The following USP32 variants were observed in gnomAD, a reference collection of about 807,000 sequenced individuals.
The protein encoded by USP32 is ubiquitin specific peptidase 32.
USP32 carries 59 observed loss-of-function variants against 204.8 expected under a neutral mutation model. The observed-to-expected ratio is 0.29, with a 90% CI of 0.23 to 0.36. The LOEUF is 0.36. USP32 is among the 10% of genes least tolerant of loss of function. The pLI is 1.00. For synonymous variants in USP32, 517 were observed against 678.4 expected (o/e 0.76, Z 3.70); for missense variants, 1,160 against 1,946.4 (o/e 0.60, Z 7.60).
intron 7 of USP32, among the ~76,000 whole-genome samples, chr17:60,266,795 T>C (rs2086604008): frequency 6.6e-6 from 1 of 151,938 alleles, no homozygotes; most frequent in Admixed American, 6.6e-5. Context: ...GCTGGGACTA[T>C]AGACACGTGC....
At chr17:60,319,724 G>A (rs1032917834) in intron 2 of USP32, among the ~76,000 whole-genome samples, 4 of 152,094 alleles carry the variant, frequency 2.6e-5, no homozygotes, top group African/African-American at 9.7e-5. Context: ...AGGTTGCAGT[G>A]AGCCAAGATA....
intron 18 of USP32, among the ~76,000 whole-genome samples, chr17:60,213,173 A>G (rs957378770): frequency 7.2e-5 from 11 of 152,260 alleles, no homozygotes; most frequent in African/African-American, 2.2e-4. Context: ...ATATACAAAT[A>G]GCTCTGTCAG....
intron 27 of USP32, among the ~76,000 whole-genome samples, chr17:60,194,802 C>T (rs914282871): frequency 6.6e-6 from 1 of 152,136 alleles, no homozygotes; most frequent in African/African-American, 2.4e-5. Context: ...CTTACTTATT[C>T]GAACATCCCT....
intron 11 of USP32, among the ~76,000 whole-genome samples, chr17:60,247,745 G>A (rs1327974869): frequency 4.6e-5 from 7 of 151,782 alleles, no homozygotes; most frequent in South Asian, 2.1e-4. Context: ...GTGCAGTGGC[G>A]TGATCTTGGC....
At chr17:60,264,184 A>G (rs1163560898) in intron 9 of USP32, among the ~76,000 whole-genome samples, 1 of 152,094 alleles carries the variant, frequency 6.6e-6, no homozygotes, top group African/African-American at 2.4e-5. Context: ...TATTCTGGCT[A>G]CCACTAAAGG....
Position 60,179,156 on chromosome 17 carries a change from C to T in USP32, c.*99G>A, listed in dbSNP as rs1404321307. 1.6e-5 allele frequency: 22 copies of T among 1,343,728 alleles called. No individual in the cohort carries two copies. The highest frequency in any genetic ancestry group is 2.2e-5 in the Non-Finnish European group (22 of 990,318). 83.2% of individuals were successfully genotyped at this position (1,343,728 alleles called of 1,614,324 possible). On this transcript the variant is annotated 3_prime_UTR_variant, in exon 34 of 34. Coordinates refer to ENST00000300896, the MANE Select transcript of USP32 (RefSeq NM_032582.4). ...GCTTCAGGGCCACAGGATAAAATAA[C>T]TACATTTAGCTTGCCTTTCAGTGAC...
At chr17:60,235,319 G>A (rs770728335) in intron 12 of USP32, among the ~76,000 whole-genome samples, 3 of 152,038 alleles carry the variant, frequency 2.0e-5, no homozygotes, top group Non-Finnish European at 2.9e-5. Flanking sequence ...TACCTACAAG[G>A]TCCAGGAAGT....
intron 1 of USP32, among the ~76,000 whole-genome samples, chr17:60,361,742 C>A (rs1001728173): frequency 2.0e-5 from 3 of 152,084 alleles, no homozygotes; most frequent in Non-Finnish European, 2.9e-5. Context: ...AAATCAATAT[C>A]CACTTATCCT....
chr17:60,244,277 C>T (rs1468689288), intron 11 of USP32, among the ~76,000 whole-genome samples: 1 of 151,850 alleles, frequency 6.6e-6, no homozygotes, highest in Non-Finnish European at 1.5e-5. Flanking sequence ...CTCGGCCTCC[C>T]AAAGTGCTAG....
At chr17:60,340,781 T>C (rs889927953) in intron 2 of USP32, among the ~76,000 whole-genome samples, 3 of 152,216 alleles carry the variant, frequency 2.0e-5, no homozygotes, top group Admixed American at 2.0e-4. Context: ...TCTTGACAAT[T>C]TGGCATGTTT....
intron 1 of USP32, among the ~76,000 whole-genome samples, chr17:60,404,052 AAAGG>A (rs1299084709): frequency 3.9e-5 from 6 of 151,938 alleles, no homozygotes; most frequent in Non-Finnish European, 7.4e-5. Flanking sequence ...AAAAAAAAAA[AAAGG>A]AAAAGAAAAA....
intron 28 of USP32, among the ~76,000 whole-genome samples, chr17:60,190,973 G>A (rs2084365475): frequency 1.3e-5 from 2 of 152,146 alleles, no homozygotes; most frequent in African/African-American, 4.8e-5. Flanking sequence ...AATGACATGG[G>A]AATTGCCTGT....
chr17:60,256,796 G>A, intron 9 of USP32: 1 of 1,168,318 alleles, frequency 8.6e-7, no homozygotes, highest in Non-Finnish European at 1.1e-6. Flanking sequence ...GTGAAGAGAG[G>A]GTTTGAATTC....
intron 2 of USP32, among the ~76,000 whole-genome samples, chr17:60,331,160 T>G (rs1290530680): frequency 6.6e-6 from 1 of 152,244 alleles, no homozygotes; most frequent in African/African-American, 2.4e-5. Flanking sequence ...AACTTTTATA[T>G]TCCAGGCTCA....
chr17:60,264,956 G>T (rs2086553747), intron 9 of USP32, among the ~76,000 whole-genome samples: 1 of 150,560 alleles, frequency 6.6e-6, no homozygotes, highest in Non-Finnish European at 1.5e-5. Context: ...CCTTACGGTT[G>T]TTCCCAATTA....
At chr17:60,417,492 C>T (rs1476898425) in intron 1 of USP32, among the ~76,000 whole-genome samples, 1 of 146,022 alleles carries the variant, frequency 6.8e-6, no homozygotes, top group Admixed American at 7.0e-5. Flanking sequence ...TCGCTCTTGT[C>T]GCCCAGGCTG....
intron 12 of USP32, among the ~76,000 whole-genome samples, chr17:60,235,272 T>C (rs2085691084): frequency 6.6e-6 from 1 of 152,204 alleles, no homozygotes; most frequent in African/African-American, 2.4e-5. Context: ...TGTACCCCAA[T>C]ATTCTCATTT....
chr17:60,389,302 A>C (rs1187397491), intron 1 of USP32, among the ~76,000 whole-genome samples: 1 of 151,756 alleles, frequency 6.6e-6, no homozygotes, highest in Non-Finnish European at 1.5e-5. Context: ...AGCACTTTGG[A>C]AGGCCGAGGC....
rs544807394 is a variant in USP32 at position 60,256,696 on chromosome 17, G to A, written c.991-1438C>T. On this transcript the variant is annotated intron_variant, in intron 9 of 33. Coordinates refer to ENST00000300896, the MANE Select transcript of USP32 (RefSeq NM_032582.4). ...TGTGGTATCTGTTGCTGTGAGGAAA[G>A]GAACATCAATGCCTGCACCACGGCA... The A allele has an allele frequency of 5.4e-6, 6 of 1,120,640 alleles. No individual in the cohort carries two copies. In the African/African-American group the frequency reaches 8.4e-5, roughly 16 times the overall value. The allele number at this position is 1,120,640 out of a possible 1,614,324, so 69.4% of individuals were successfully genotyped here.
Sources: allele counts gnomAD v4.1 joint callset (sites outside exome capture counted in the v4.1 genomes callset), GRCh38; gene constraint gnomAD v4.1.1; transcripts MANE v1.5; gene names NCBI Gene and HGNC (gene_info 2026-07-23, HGNC 2026-07-21).